The following CNBD1 variants were observed in gnomAD, a reference collection of about 807,000 sequenced individuals.
CNBD1 encodes the protein cyclic nucleotide-binding domain-containing protein 1.
Under a neutral mutation model 54.4 loss-of-function variants are expected in CNBD1, and 71 were observed. That is an observed-to-expected ratio of 1.30 (90% confidence interval 1.08 to 1.59). The LOEUF (loss-of-function observed/expected upper bound fraction) is 1.59. Ranked by LOEUF, CNBD1 falls within the 40% of genes most tolerant of loss-of-function variation. The pLI, the probability that CNBD1 is intolerant of heterozygous loss-of-function variation, is 0.00. For missense variants in CNBD1, 659 were observed against 518.0 expected (o/e 1.27, Z -2.64); for synonymous variants, 182 against 170.7 (o/e 1.07, Z -0.51).
chr8:86,895,260 G>A (rs969163736), intron 2 of CNBD1, among the ~76,000 whole-genome samples: 1 of 148,844 alleles, frequency 6.7e-6, no homozygotes, highest in Admixed American at 6.6e-5. Flanking sequence ...CATGGTGTGT[G>A]TGTGTGTGTG....
rs1812677803 is a variant in CNBD1, at chr8:87,154,666, A to G, written c.432-51327A>G. 2.0e-5 allele frequency among the ~76,000 whole-genome samples: 3 copies of G among 152,174 alleles called. No individual in the cohort carries two copies. The South Asian group carries it at 6.2e-4, about 32-fold the overall frequency. ...TGGTGTTTTTCAGAACAATTTGACC[A>G]CAGAATTTCCTCTACTGTCTTCTTT... On this transcript the variant is annotated intron_variant, in intron 4 of 10. Coordinates refer to ENST00000518476, the MANE Select transcript of CNBD1 (RefSeq NM_173538.3).
chr8:86,984,365 G>T (rs1808557392), intron 4 of CNBD1, among the ~76,000 whole-genome samples: 1 of 152,188 alleles, frequency 6.6e-6, no homozygotes, highest in African/African-American at 2.4e-5. Context: ...GAAGGGAAAT[G>T]TGGGGTTGGA....
chr8:86,915,996 T>C (rs932903661), intron 3 of CNBD1, among the ~76,000 whole-genome samples: 2 of 152,174 alleles, frequency 1.3e-5, no homozygotes, highest in Non-Finnish European at 2.9e-5. Context: ...TATTAACTTT[T>C]GATGTATCTT....
At chr8:87,414,028 A>G (rs1807796242) in intron 2 of CNBD1, among the ~76,000 whole-genome samples, 1 of 152,232 alleles carries the variant, frequency 6.6e-6, no homozygotes, top group East Asian at 1.9e-4. Flanking sequence ...CTGGGTATAT[A>G]CCCAAAGGAT....
At chr8:87,036,370 G>A (rs573909108) in intron 4 of CNBD1, among the ~76,000 whole-genome samples, 103 of 152,070 alleles carry the variant, frequency 6.8e-4, no homozygotes, top group African/African-American at 2.3e-3. Context: ...CGAGGCGGGC[G>A]GATCACGAGG....
intron 5 of CNBD1, among the ~76,000 whole-genome samples, chr8:87,224,302 C>A (rs908042343): frequency 6.7e-6 from 1 of 150,090 alleles, no homozygotes; most frequent in Non-Finnish European, 1.5e-5. Context: ...GTGTTTTAGA[C>A]ATGAAGTCCT....
At chr8:87,325,091 G>T (rs1305430353) in intron 8 of CNBD1, among the ~76,000 whole-genome samples, 3 of 97,312 alleles carry the variant, frequency 3.1e-5, no homozygotes, top group Non-Finnish European at 6.1e-5. Context: ...AGGTTGTTCA[G>T]TTTCCATGTA....
intron 4 of CNBD1, among the ~76,000 whole-genome samples, chr8:87,022,111 G>A (rs1809502142): frequency 6.6e-6 from 1 of 152,148 alleles, no homozygotes; most frequent in African/African-American, 2.4e-5. Flanking sequence ...CCTGCATCAC[G>A]GGTAGTAAAA....
intron 9 of CNBD1, among the ~76,000 whole-genome samples, chr8:87,352,347 G>A (rs1213204920): frequency 2.0e-5 from 3 of 151,968 alleles, no homozygotes; most frequent in Admixed American, 6.6e-5. Context: ...GGGTGTGGTG[G>A]TGCACACCTG....
At chr8:87,008,406 A>G (rs1809146012) in intron 4 of CNBD1, among the ~76,000 whole-genome samples, 1 of 152,310 alleles carries the variant, frequency 6.6e-6, no homozygotes, top group African/African-American at 2.4e-5. Context: ...CAGATGTTTT[A>G]CACAGTAATT....
At chr8:87,012,015 A>G (rs1809232690) in intron 4 of CNBD1, among the ~76,000 whole-genome samples, 1 of 152,210 alleles carries the variant, frequency 6.6e-6, no homozygotes, top group Non-Finnish European at 1.5e-5. Flanking sequence ...AAATCCTACT[A>G]TAAATAAAAT....
At chr8:86,958,765 G>C (rs561906310) in intron 4 of CNBD1, among the ~76,000 whole-genome samples, 21 of 152,184 alleles carry the variant, frequency 1.4e-4, no homozygotes, top group African/African-American at 5.1e-4. Context: ...ACACTGATAG[G>C]TCTTGACTCT....
intron 4 of CNBD1, among the ~76,000 whole-genome samples, chr8:87,062,439 A>G (rs11987948): frequency 0.028 from 4,191 of 152,280 alleles, 73 homozygotes; most frequent in Middle Eastern, 0.041. Context: ...CATGTACTCT[A>G]TTAAAATGCT....
chr8:87,198,051 CAAAAT>C (rs1813757680), intron 4 of CNBD1, among the ~76,000 whole-genome samples: 1 of 152,096 alleles, frequency 6.6e-6, no homozygotes. Flanking sequence ...AAAAAATTGT[CAAAAT>C]AAAATTTTTC....
chr8:87,029,792 T>C (rs1032609656), intron 4 of CNBD1, among the ~76,000 whole-genome samples: 1 of 152,182 alleles, frequency 6.6e-6, no homozygotes, highest in South Asian at 2.1e-4. Flanking sequence ...CTTTATTTGT[T>C]AATTAGATTT....
intron 8 of CNBD1, among the ~76,000 whole-genome samples, chr8:87,327,918 T>C (rs1809719673): frequency 6.6e-6 from 1 of 152,166 alleles, no homozygotes; most frequent in African/African-American, 2.4e-5. Context: ...TTGTGTATTG[T>C]GTAAGGTAAG....
At chr8:87,200,559 A>G (rs1289885029) in intron 4 of CNBD1, among the ~76,000 whole-genome samples, 1 of 152,156 alleles carries the variant, frequency 6.6e-6, no homozygotes, top group East Asian at 1.9e-4. Flanking sequence ...AATGACTAAA[A>G]TGAGTAATGA....
intron 6 of CNBD1, among the ~76,000 whole-genome samples, chr8:87,273,242 A>T (rs1217613906): frequency 6.6e-6 from 1 of 151,984 alleles, no homozygotes; most frequent in Admixed American, 6.6e-5. Flanking sequence ...TTTAAAATAT[A>T]TATCTGGTTG....
At chr8:86,910,439 G>T (rs74671989) in intron 3 of CNBD1, among the ~76,000 whole-genome samples, 14,162 of 147,048 alleles carry the variant, frequency 0.096, 957 homozygotes, top group African/African-American at 0.22. Flanking sequence ...TCCTGAAAAA[G>T]GATTGAGATT....
Sources: gnomAD v4.1 joint callset for allele counts (sites outside exome capture counted in the v4.1 genomes callset) on GRCh38, gnomAD v4.1.1 for gene constraint, MANE v1.5 for transcripts, NCBI Gene and HGNC (gene_info 2026-07-23, HGNC 2026-07-21) for gene names.